Variants in RASAL2 observed in about 807,000 individuals in gnomAD.
RASAL2 encodes ras GTPase-activating protein nGAP.
Under a neutral mutation model 128.9 loss-of-function variants are expected in RASAL2, and 58 were observed. The ratio of observed to expected loss-of-function variants is 0.45; its 90% CI spans 0.36 to 0.56. The LOEUF (loss-of-function observed/expected upper bound fraction) is 0.56, where lower values mean the gene tolerates loss of function less well. RASAL2 is among the 20% of genes least tolerant of loss of function. RASAL2 has a pLI of 0.00. For synonymous variants in RASAL2, 561 were observed against 580.8 expected (o/e 0.97, Z 0.49); for missense variants, 1,360 against 1,601.6 (o/e 0.85, Z 2.57).
intron 3 of RASAL2, among the ~76,000 whole-genome samples, chr1:178,304,010 C>G (rs149174109): frequency 1.4e-3 from 212 of 152,150 alleles, no homozygotes; most frequent in African/African-American, 4.7e-3. Flanking sequence ...TGTTTGTTGA[C>G]TTGGGTAGGA....
intron 1 of RASAL2, among the ~76,000 whole-genome samples, chr1:178,121,977 T>A (rs892312656): frequency 6.6e-6 from 1 of 151,974 alleles, no homozygotes; most frequent in Admixed American, 6.6e-5. Context: ...TGTTTTCTGG[T>A]TTTTTTTCTG....
intron 3 of RASAL2, among the ~76,000 whole-genome samples, chr1:178,362,939 G>C (rs1399641005): frequency 1.3e-5 from 2 of 151,836 alleles, no homozygotes; most frequent in African/African-American, 2.4e-5. Flanking sequence ...TCCATAACTT[G>C]TATTGTGAAT....
intron 9 of RASAL2, among the ~76,000 whole-genome samples, chr1:178,446,886 CAGATA>C (rs1432196360): frequency 3.3e-5 from 5 of 152,102 alleles, no homozygotes; most frequent in South Asian, 2.1e-4. Context: ...TGAGCAAGAG[CAGATA>C]AGATAAGAAG....
At chr1:178,177,657 A>T (rs1661940001) in intron 1 of RASAL2, among the ~76,000 whole-genome samples, 1 of 152,208 alleles carries the variant, frequency 6.6e-6, no homozygotes, top group Non-Finnish European at 1.5e-5. Flanking sequence ...TTGAGGGAAT[A>T]GCATGGGAAG....
intron 17 of RASAL2, among the ~76,000 whole-genome samples, chr1:178,471,393 A>G (rs1298153909): frequency 2.0e-5 from 3 of 152,036 alleles, no homozygotes; most frequent in Non-Finnish European, 4.4e-5. Context: ...CATTGGTTAA[A>G]ATTTTTTTAA....
At chr1:178,219,595 A>T (rs938284161) in intron 1 of RASAL2, among the ~76,000 whole-genome samples, 7 of 150,928 alleles carry the variant, frequency 4.6e-5, no homozygotes, top group African/African-American at 1.7e-4. Flanking sequence ...GCGCCATAGC[A>T]CTCTAGCCTA....
At chr1:178,249,826 T>A (rs568857388) in intron 1 of RASAL2, among the ~76,000 whole-genome samples, 1 of 152,296 alleles carries the variant, frequency 6.6e-6, no homozygotes, top group East Asian at 1.9e-4. Context: ...AGGCCTCTCT[T>A]CTGCAGATCT....
chr1:178,278,278 G>A (rs983226636), intron 1 of RASAL2, among the ~76,000 whole-genome samples: 1 of 152,114 alleles, frequency 6.6e-6, no homozygotes, highest in Non-Finnish European at 1.5e-5. Context: ...CATGTGTTAG[G>A]GGATGGAATT....
intron 3 of RASAL2, among the ~76,000 whole-genome samples, chr1:178,385,111 A>G (rs754096689): frequency 1.8e-4 from 28 of 152,210 alleles, no homozygotes; most frequent in Non-Finnish European, 3.5e-4. Flanking sequence ...TCCAAACATA[A>G]TAACATTCCA....
chr1:178,395,757 T>C (rs1217943607), intron 4 of RASAL2, among the ~76,000 whole-genome samples: 2 of 130,918 alleles, frequency 1.5e-5, no homozygotes, highest in African/African-American at 6.9e-5. Context: ...CAGTGAGACC[T>C]CTTTTAATGA....
At position 178,094,672 on chromosome 1, in the gene RASAL2, A is replaced by G. The variant is rs1004085399; in HGVS notation, c.180A>G (p.Gln60=). 1 of 1,614,124 alleles carries G rather than the reference A, an allele frequency of 6.2e-7. No individual in the cohort carries two copies. Among genetic ancestry groups the G allele is most frequent in the Non-Finnish European group, 8.5e-7 (1 of 1,180,046 alleles). The part of the protein sequence containing the change: ...DRILLESVCQ[Q]QSWVRVYDVK... ...TCCTTCTGGAGTCCGTGTGCCAGCA[A>G]CAGAGCTGGGTCCGGGTGTACGGTA... The change falls in exon 1 of 18, where the codon CAA becomes CAG. Residue 60 remains glutamine, a synonymous_variant. Transcript: ENST00000367649.
chr1:178,220,987 G>T (rs1027973674), intron 1 of RASAL2, among the ~76,000 whole-genome samples: 37 of 152,184 alleles, frequency 2.4e-4, no homozygotes, highest in African/African-American at 8.7e-4. Flanking sequence ...AGTTTTTAAA[G>T]AAACTGCCAA....
intron 1 of RASAL2, among the ~76,000 whole-genome samples, chr1:178,164,683 AAG>A (rs1442406506): frequency 6.6e-6 from 1 of 152,080 alleles, no homozygotes; most frequent in African/African-American, 2.4e-5. Context: ...ATGGCATTAA[AAG>A]CTTTCTTGGG....
intron 6 of RASAL2, 112 bp downstream of exon 6, chr1:178,439,687 T>A: frequency 2.2e-6 from 2 of 923,370 alleles, no homozygotes; most frequent in Non-Finnish European, 3.1e-6. Flanking sequence ...TAACTGGTTT[T>A]CAGTTGCTAG....
At chr1:178,285,829 T>C (rs1176964673) in intron 2 of RASAL2, among the ~76,000 whole-genome samples, 1 of 152,204 alleles carries the variant, frequency 6.6e-6, no homozygotes, top group Non-Finnish European at 1.5e-5. Context: ...TTTAGTACTG[T>C]AAGAGATGAA....
chr1:178,144,530 C>T (rs912781434), intron 1 of RASAL2, among the ~76,000 whole-genome samples: 11 of 152,112 alleles, frequency 7.2e-5, no homozygotes, highest in Non-Finnish European at 1.6e-4. Context: ...GTGCTTGACA[C>T]GTAGTTGGTA....
intron 1 of RASAL2, among the ~76,000 whole-genome samples, chr1:178,143,628 C>A (rs1026103219): frequency 4.6e-5 from 7 of 152,018 alleles, no homozygotes; most frequent in Non-Finnish European, 8.8e-5. Flanking sequence ...TCTACATATG[C>A]ATCAGTGTAT....
chr1:178,148,003 G>A (rs12041870), intron 1 of RASAL2, among the ~76,000 whole-genome samples: 12,147 of 152,042 alleles, frequency 0.08, 550 homozygotes, highest in Middle Eastern at 0.13. Context: ...CCCAGGAGGC[G>A]GAGGTTGCAG....
At chr1:178,397,803 T>C (rs918255477) in intron 4 of RASAL2, among the ~76,000 whole-genome samples, 1 of 150,742 alleles carries the variant, frequency 6.6e-6, no homozygotes, top group Non-Finnish European at 1.5e-5. Context: ...TTTGGAGAGA[T>C]GGGATCTTGC....
Sources: gnomAD v4.1 joint callset for allele counts (sites outside exome capture counted in the v4.1 genomes callset) on GRCh38, gnomAD v4.1.1 for gene constraint, MANE v1.5 for transcripts, NCBI Gene and HGNC (gene_info 2026-07-23, HGNC 2026-07-21) for gene names.